OCA2: variants seen among roughly 807,000 people sequenced by gnomAD.
OCA2 encodes OCA2 melanosomal transmembrane protein.
A neutral mutation model predicts 100.2 loss-of-function variants in OCA2; 77 were observed. That is an observed-to-expected ratio of 0.77 (90% confidence interval 0.64 to 0.93). The LOEUF (loss-of-function observed/expected upper bound fraction) is 0.93, where lower values mean the gene tolerates loss of function less well. Among genes scored for constraint, OCA2 ranks in the 40% least tolerant of loss-of-function variants. The pLI is 0.00. For synonymous variants in OCA2, 432 were observed against 439.2 expected, an observed-to-expected ratio of 0.98 and a Z score of 0.21; for missense variants, 1,062 against 1,089.1, an observed-to-expected ratio of 0.98 and a Z score of 0.35.
chr15:27,895,308 T>C (rs1179659389), intron 19 of OCA2, among the ~76,000 whole-genome samples: 2 of 152,122 alleles, frequency 1.3e-5, no homozygotes, highest in African/African-American at 4.8e-5. Flanking sequence ...GAATGGGGCA[T>C]TGCTGAAAAG....
chr15:27,927,784 C>CTTTTTTTTTTTTTTTTTTTTTTTTTT, intron 18 of OCA2, among the ~76,000 whole-genome samples: 1 of 69,336 alleles, frequency 1.4e-5, no homozygotes, highest in African/African-American at 6.0e-5. Context: ...CTTTGAGCAT[C>CTTTTTTTTTTTTTTTTTTTTTTTTTT]TTTTTTTTTT....
chr15:27,924,144 C>T (rs1329645155), intron 19 of OCA2, among the ~76,000 whole-genome samples: 4 of 152,144 alleles, frequency 2.6e-5, no homozygotes, highest in Non-Finnish European at 5.9e-5. Flanking sequence ...TTTTGGTCAG[C>T]TTTGTCGAAG....
chr15:28,087,685 T>A (rs751251881), intron 1 of OCA2, among the ~76,000 whole-genome samples: 18 of 152,248 alleles, frequency 1.2e-4, no homozygotes, highest in South Asian at 2.1e-4. Context: ...AAGTCGAGGC[T>A]TCAGTGAGTC....
intron 21 of OCA2, among the ~76,000 whole-genome samples, chr15:27,855,331 T>C (rs997806704): frequency 6.6e-6 from 1 of 152,198 alleles, no homozygotes; most frequent in Admixed American, 6.5e-5. Context: ...CACCCTTCAA[T>C]CTGAGGCAAG....
Position 27,955,175 on chromosome 15 carries a change from G to A in OCA2, c.1825C>T (p.Gln609Ter). 1 of 1,611,848 alleles carries A rather than the reference G, an allele frequency of 6.2e-7. No homozygotes were observed. Among genetic ancestry groups the A allele is most frequent in the South Asian group, 1.1e-5 (1 of 91,034 alleles). Residue 609 changes from glutamine (Q) to a stop codon, truncating the protein, a stop_gained, in exon 17 of 24, where the codon CAA becomes TAA. Coordinates refer to ENST00000354638, the MANE Select transcript of OCA2 (RefSeq NM_000275.3). LOFTEE classifies it high-confidence loss of function. ...QEDKNWETNI[Q>*]ELQKKHRISD... ...CTGGGTACCTTTTTTTGGAGTTCTT[G>A]GATATTGGTCTCCCAATTTTTGTCC...
chr15:27,969,426 G>C (rs968599438), intron 14 of OCA2, among the ~76,000 whole-genome samples: 1 of 152,194 alleles, frequency 6.6e-6, no homozygotes, highest in Non-Finnish European at 1.5e-5. Context: ...TTTGCACTAA[G>C]CTTATTAGGC....
chr15:28,062,830 T>A (rs189637909), intron 2 of OCA2, among the ~76,000 whole-genome samples: 1 of 152,328 alleles, frequency 6.6e-6, no homozygotes, highest in East Asian at 1.9e-4. Flanking sequence ...TGTATTTATT[T>A]GTTTTAATAC....
At chr15:27,859,397 C>T (rs2151442424) in intron 21 of OCA2, among the ~76,000 whole-genome samples, 2 of 152,208 alleles carry the variant, frequency 1.3e-5, no homozygotes, top group South Asian at 4.1e-4. Flanking sequence ...TAAACAATTA[C>T]ATGCCAACAA....
At chr15:28,049,754 A>C (rs2043452407) in intron 2 of OCA2, among the ~76,000 whole-genome samples, 1 of 152,202 alleles carries the variant, frequency 6.6e-6, no homozygotes, top group Non-Finnish European at 1.5e-5. Flanking sequence ...TATCTACAAA[A>C]GGTAAATACA....
intron 23 of OCA2, among the ~76,000 whole-genome samples, chr15:27,770,869 C>CCTTT (rs2031734029): frequency 7.5e-6 from 1 of 133,710 alleles, no homozygotes; most frequent in African/African-American, 3.5e-5. Context: ...TTCCTTCCTT[C>CCTTT]CCTCCTTCCT....
At chr15:27,820,872 A>G (rs1485476269) in intron 23 of OCA2, among the ~76,000 whole-genome samples, 1 of 152,168 alleles carries the variant, frequency 6.6e-6, no homozygotes, top group East Asian at 1.9e-4. Context: ...TTTGGGATTA[A>G]CCACCTACTA....
downstream of OCA2, among the ~76,000 whole-genome samples, chr15:27,753,703 C>T (rs1017514793): frequency 2.0e-5 from 3 of 151,776 alleles, no homozygotes; most frequent in Admixed American, 6.6e-5. Context: ...CACCACTACA[C>T]TCCAGCCTGG....
chr15:27,749,247 A>C, the OCA2 span, among the ~76,000 whole-genome samples: 1 of 152,236 alleles, frequency 6.6e-6, no homozygotes, highest in Non-Finnish European at 1.5e-5. Context: ...CTGTAGGGGA[A>C]AATCAATTTG....
the OCA2 span, among the ~76,000 whole-genome samples, chr15:27,745,679 G>A: frequency 2.6e-5 from 4 of 152,268 alleles, no homozygotes; most frequent in South Asian, 8.3e-4. Context: ...TCCCTTCCAG[G>A]CCTTTTCCTG....
chr15:27,963,881 T>A (rs766601505), intron 15 of OCA2, among the ~76,000 whole-genome samples: 5 of 152,094 alleles, frequency 3.3e-5, no homozygotes, highest in Non-Finnish European at 7.4e-5. Flanking sequence ...AGACACAAAC[T>A]ATCAAACTAC....
chr15:27,806,569 C>T (rs2033858617), intron 23 of OCA2, among the ~76,000 whole-genome samples: 1 of 152,342 alleles, frequency 6.6e-6, no homozygotes. Context: ...CCTTCCCTAG[C>T]GGCCCCGCTC....
intron 19 of OCA2, among the ~76,000 whole-genome samples, chr15:27,888,940 A>G (rs983714018): frequency 7.9e-5 from 12 of 152,162 alleles, no homozygotes; most frequent in African/African-American, 2.9e-4. Flanking sequence ...CATGTGAGGA[A>G]GCAGTTTGAT....
chr15:27,857,412 G>A (rs888065662), intron 21 of OCA2, among the ~76,000 whole-genome samples: 19 of 152,264 alleles, frequency 1.2e-4, no homozygotes, highest in African/African-American at 4.3e-4. Flanking sequence ...GGGGACTAGG[G>A]AATGGGGAAT....
At position 27,957,582 on chromosome 15, in the gene OCA2, C is replaced by T. The variant is rs779188429; in HGVS notation, c.1784+6G>A. ...AGCACAGTCTGAGCAGGACCCCGCC[C>T]GGTACCTGTGGAAGGTGTGCAGCCT... On this transcript the variant is annotated splice_donor_region_variant and intron_variant, in intron 16 of 23. Coordinates refer to ENST00000354638, the MANE Select transcript of OCA2 (RefSeq NM_000275.3). The surrounding 1 kb of genome is among the most constrained non-coding windows in gnomAD (Gnocchi z 4.3). 1.6e-5 allele frequency: 26 copies of T among 1,612,236 alleles called. No individual in the cohort carries two copies. Among genetic ancestry groups the T allele is most frequent in the Non-Finnish European group, 1.9e-5 (23 of 1,179,844 alleles).
Sources: allele counts gnomAD v4.1 joint callset (sites outside exome capture counted in the v4.1 genomes callset), GRCh38; gene constraint gnomAD v4.1.1; non-coding constraint Gnocchi (gnomAD v3.1); transcripts MANE v1.5; gene names NCBI Gene and HGNC (gene_info 2026-07-23, HGNC 2026-07-21).